The following MACROD2 variants were observed in gnomAD, a reference collection of about 807,000 sequenced individuals.
MACROD2 encodes mono-ADP ribosylhydrolase 2, also known as ADP-ribose glycohydrolase MACROD2.
MACROD2 carries 36 observed loss-of-function variants against 70.4 expected under a neutral mutation model. The ratio of observed to expected loss-of-function variants is 0.51; its 90% CI spans 0.39 to 0.68. MACROD2 has a LOEUF of 0.68. MACROD2 is among the 30% of genes least tolerant of loss of function. The pLI is 0.00. For synonymous variants in MACROD2, 172 were observed against 178.8 expected (o/e 0.96, Z 0.30); for missense variants, 496 against 538.4 (o/e 0.92, Z 0.78).
chr20:14,302,798 G>A (rs1188117994), intron 3 of MACROD2, among the ~76,000 whole-genome samples: 3 of 151,708 alleles, frequency 2.0e-5, no homozygotes, highest in Non-Finnish European at 2.9e-5. Flanking sequence ...GATTACAGGC[G>A]CGCGCCACCA....
chr20:15,521,780 A>G (rs1039030839), intron 8 of MACROD2, among the ~76,000 whole-genome samples: 1 of 152,234 alleles, frequency 6.6e-6, no homozygotes, highest in Non-Finnish European at 1.5e-5. Flanking sequence ...AACACAGCTC[A>G]AAATAAACAG....
intron 4 of MACROD2, among the ~76,000 whole-genome samples, chr20:14,665,332 G>GTT (rs112778882): frequency 1.4e-5 from 2 of 145,592 alleles, no homozygotes; most frequent in South Asian, 2.2e-4. Context: ...TTCAAGAACA[G>GTT]TTTTTTTTTT....
At chr20:14,047,932 A>G (rs1286169263) in intron 2 of MACROD2, among the ~76,000 whole-genome samples, 1 of 152,190 alleles carries the variant, frequency 6.6e-6, no homozygotes, top group Non-Finnish European at 1.5e-5. Context: ...CAAAATTTCA[A>G]GTATCAAAAG....
chr20:15,842,036 C>G (rs1319395661), intron 8 of MACROD2, among the ~76,000 whole-genome samples: 1 of 152,052 alleles, frequency 6.6e-6, no homozygotes, highest in African/African-American at 2.4e-5. Flanking sequence ...TGAAAAGACA[C>G]TAGACACTAT....
At chr20:15,257,534 C>G (rs2077210101) in intron 6 of MACROD2, among the ~76,000 whole-genome samples, 1 of 151,966 alleles carries the variant, frequency 6.6e-6, no homozygotes, top group South Asian at 2.1e-4. Flanking sequence ...GAAGTGCACC[C>G]TGCATAACAA....
At chr20:14,067,197 C>T (rs1280719572) in intron 2 of MACROD2, among the ~76,000 whole-genome samples, 1 of 143,896 alleles carries the variant, frequency 6.9e-6, no homozygotes, top group African/African-American at 2.6e-5. Context: ...TATCTTGGCT[C>T]ACTGCAACCT....
chr20:15,449,712 G>T (rs1055360856), intron 7 of MACROD2, among the ~76,000 whole-genome samples: 2 of 152,026 alleles, frequency 1.3e-5, no homozygotes, highest in Non-Finnish European at 2.9e-5. Flanking sequence ...ATGCACAGAG[G>T]CTGGACATGG....
intron 4 of MACROD2, among the ~76,000 whole-genome samples, chr20:14,535,576 A>G (rs1332907356): frequency 6.8e-6 from 1 of 147,822 alleles, no homozygotes; most frequent in Non-Finnish European, 1.5e-5. Context: ...TTGGGTGGGC[A>G]CTGTGTTGGT....
intron 8 of MACROD2, among the ~76,000 whole-genome samples, chr20:15,573,453 GT>G (rs2048402425): frequency 6.6e-6 from 1 of 152,050 alleles, no homozygotes; most frequent in Non-Finnish European, 1.5e-5. Context: ...ATCAGCAAAG[GT>G]TTTTCTCTAG....
chr20:15,770,360 G>T (rs550581499), intron 8 of MACROD2, among the ~76,000 whole-genome samples: 1 of 152,006 alleles, frequency 6.6e-6, no homozygotes, highest in African/African-American at 2.4e-5. Flanking sequence ...CATAAAGATC[G>T]TTGAATCAGG....
intron 9 of MACROD2, among the ~76,000 whole-genome samples, chr20:15,873,183 C>CT (rs2064610965): frequency 6.6e-6 from 1 of 152,168 alleles, no homozygotes; most frequent in Non-Finnish European, 1.5e-5. Flanking sequence ...AAATTGTGCA[C>CT]TGTGTTTGCA....
chr20:14,438,783 A>G (rs1393124626), intron 3 of MACROD2, among the ~76,000 whole-genome samples: 1 of 152,174 alleles, frequency 6.6e-6, no homozygotes, highest in Non-Finnish European at 1.5e-5. Flanking sequence ...ATTCAGTGTC[A>G]TGAGTTCTTT....
intron 6 of MACROD2, among the ~76,000 whole-genome samples, chr20:15,273,940 A>G (rs1459990286): frequency 6.6e-6 from 1 of 152,194 alleles, no homozygotes; most frequent in Non-Finnish European, 1.5e-5. Context: ...AGTATATACC[A>G]AGTACTTATC....
chr20:13,997,195 T>G (rs1327371977), intron 1 of MACROD2, among the ~76,000 whole-genome samples: 1 of 152,160 alleles, frequency 6.6e-6, no homozygotes, highest in Non-Finnish European at 1.5e-5. Flanking sequence ...TTTTAATAAT[T>G]ATGGGTTTAT....
At chr20:14,953,833 A>G (rs1276874315) in intron 5 of MACROD2, among the ~76,000 whole-genome samples, 1 of 152,130 alleles carries the variant, frequency 6.6e-6, no homozygotes, top group African/African-American at 2.4e-5. Context: ...ATGTTAGTTC[A>G]CTGAACTCTC....
intron 5 of MACROD2, among the ~76,000 whole-genome samples, chr20:15,223,237 G>C (rs903550261): frequency 2.6e-5 from 4 of 152,262 alleles, no homozygotes; most frequent in Admixed American, 1.3e-4. Flanking sequence ...CATTTGAAAT[G>C]CTGATTAAAT....
At chr20:15,466,152 G>A (rs1001541431) in intron 7 of MACROD2, among the ~76,000 whole-genome samples, 6 of 152,330 alleles carry the variant, frequency 3.9e-5, no homozygotes, top group East Asian at 1.9e-4. Context: ...AGAAAAAGTC[G>A]TGGCTGGGCA....
At chr20:14,746,279 C>T (rs952703375) in intron 5 of MACROD2, among the ~76,000 whole-genome samples, 4 of 152,082 alleles carry the variant, frequency 2.6e-5, no homozygotes, top group African/African-American at 9.7e-5. Flanking sequence ...TGTGACCGCT[C>T]ATGTTTGCAG....
chr20:14,908,340 C>CA (rs956117758), intron 5 of MACROD2, among the ~76,000 whole-genome samples: 2 of 149,104 alleles, frequency 1.3e-5, no homozygotes, highest in Non-Finnish European at 1.5e-5. Flanking sequence ...GACTCTATCT[C>CA]AAAAAAAATA....
Sources: gnomAD v4.1 joint callset for allele counts (sites outside exome capture counted in the v4.1 genomes callset) on GRCh38, gnomAD v4.1.1 for gene constraint, MANE v1.5 for transcripts, NCBI Gene and HGNC (gene_info 2026-07-23, HGNC 2026-07-21) for gene names.